LRRIQ3: variants seen among roughly 807,000 people sequenced by gnomAD.
LRRIQ3 encodes the protein leucine rich repeats and IQ motif containing 3.
A neutral mutation model predicts 59.3 loss-of-function variants in LRRIQ3; 75 were observed. That is an observed-to-expected ratio of 1.26 (90% CI 1.05 to 1.53). LRRIQ3 has a LOEUF of 1.53. LRRIQ3 is among the 40% of genes most tolerant of loss of function. The probability of loss-of-function intolerance (pLI) is 0.00; values close to 1 mark genes in which losing one functional copy is unlikely to be tolerated. For synonymous variants in LRRIQ3, 250 were observed against 231.3 expected, an observed-to-expected ratio of 1.08 and a Z score of -0.73; for missense variants, 831 against 710.0, an observed-to-expected ratio of 1.17 and a Z score of -1.94.
chr1:74,195,348 G>A (rs2100750257), intron 1 of LRRIQ3, among the ~76,000 whole-genome samples: 1 of 152,166 alleles, frequency 6.6e-6, no homozygotes, highest in Middle Eastern at 3.4e-3. Context: ...ATATAATCCA[G>A]GACCCTATTC....
chr1:74,130,905 G>C (rs1647006559), intron 4 of LRRIQ3, among the ~76,000 whole-genome samples: 1 of 152,002 alleles, frequency 6.6e-6, no homozygotes, highest in East Asian at 1.9e-4. Flanking sequence ...AGGAGATAAA[G>C]ACACAAAAAA....
chr1:74,048,211 T>C (rs1355095216), intron 6 of LRRIQ3, among the ~76,000 whole-genome samples: 1 of 152,182 alleles, frequency 6.6e-6, no homozygotes, highest in Non-Finnish European at 1.5e-5. Flanking sequence ...GCCCAACTGG[T>C]ATGCTGTGGC....
chr1:74,079,636 A>G (rs1005121495), intron 5 of LRRIQ3, among the ~76,000 whole-genome samples: 1 of 151,748 alleles, frequency 6.6e-6, no homozygotes, highest in African/African-American at 2.4e-5. Flanking sequence ...AAGGGCAAGG[A>G]CTTTTCTTTT....
chr1:74,046,159 A>C (rs2100402525), intron 6 of LRRIQ3, among the ~76,000 whole-genome samples: 1 of 152,298 alleles, frequency 6.6e-6, no homozygotes, highest in South Asian at 2.1e-4. Flanking sequence ...AGACAATCCT[A>C]AGCAAAAAGA....
At chr1:74,074,516 G>A (rs1646179333) in intron 6 of LRRIQ3, 145 bp downstream of exon 6, 2 of 318,512 alleles carry the variant, frequency 6.3e-6, no homozygotes. Context: ...TCCAAGATAT[G>A]GATATTTTAT....
At chr1:74,138,144 C>T (rs1265139425) in intron 4 of LRRIQ3, among the ~76,000 whole-genome samples, 3 of 130,828 alleles carry the variant, frequency 2.3e-5, no homozygotes, top group Non-Finnish European at 5.0e-5. Context: ...CTTTTGCTTC[C>T]TTTAAAAAAA....
At chr1:74,134,820 G>A (rs1289082641) in intron 4 of LRRIQ3, among the ~76,000 whole-genome samples, 1 of 151,290 alleles carries the variant, frequency 6.6e-6, no homozygotes, top group East Asian at 2.0e-4. Flanking sequence ...AAAAGAATGT[G>A]GTAAAGGAGA....
intron 6 of LRRIQ3, among the ~76,000 whole-genome samples, chr1:74,061,639 C>A (rs1654724045): frequency 6.6e-6 from 1 of 152,028 alleles, no homozygotes; most frequent in Non-Finnish European, 1.5e-5. Flanking sequence ...AACCTAAAAC[C>A]ATGAAAACCC....
intron 6 of LRRIQ3, among the ~76,000 whole-genome samples, chr1:74,066,524 A>ACAG (rs1172961011): frequency 1.4e-5 from 1 of 70,730 alleles, no homozygotes; most frequent in African/African-American, 4.0e-5. Flanking sequence ...AACAACAATA[A>ACAG]CAGCAGCAGC....
intron 7 of LRRIQ3, among the ~76,000 whole-genome samples, chr1:74,035,365 T>TTAAAGAAATCTCATTTCAATGAGTTAAAG (rs1553161137): frequency 2.0e-5 from 3 of 152,106 alleles, no homozygotes; most frequent in Admixed American, 2.0e-4. Context: ...CTTTAATGAG[T>TTAAAGAAATCTCATTTCAATGAGTTAAAG]TAAATGATAT....
intron 5 of LRRIQ3, among the ~76,000 whole-genome samples, chr1:74,086,292 T>A (rs1646326868): frequency 6.6e-6 from 1 of 152,148 alleles, no homozygotes; most frequent in African/African-American, 2.4e-5. Flanking sequence ...AGTTTTCTTC[T>A]TAAGACAATA....
chr1:74,100,368 T>C (rs973280773), intron 5 of LRRIQ3, among the ~76,000 whole-genome samples: 5 of 152,058 alleles, frequency 3.3e-5, no homozygotes, highest in Non-Finnish European at 5.9e-5. Context: ...AAGGACCTCT[T>C]CAAGGAGAAC....
At chr1:74,171,592 T>C (rs898150274) in intron 3 of LRRIQ3, among the ~76,000 whole-genome samples, 1 of 152,306 alleles carries the variant, frequency 6.6e-6, no homozygotes, top group Admixed American at 6.5e-5. Context: ...ATCACAGATA[T>C]TGACCTGTAG....
chr1:74,081,730 G>A (rs1646274782), intron 5 of LRRIQ3, among the ~76,000 whole-genome samples: 1 of 151,140 alleles, frequency 6.6e-6, no homozygotes, highest in African/African-American at 2.4e-5. Flanking sequence ...TATTTTTCTA[G>A]TACGTGGATT....
chr1:74,177,760 T>C (rs1649735889), intron 3 of LRRIQ3, among the ~76,000 whole-genome samples: 1 of 152,016 alleles, frequency 6.6e-6, no homozygotes, highest in Non-Finnish European at 1.5e-5. Context: ...ATATAATACA[T>C]AGTAATTACT....
At chr1:74,048,719 G>T (rs1324954182) in intron 6 of LRRIQ3, among the ~76,000 whole-genome samples, 1 of 151,962 alleles carries the variant, frequency 6.6e-6, no homozygotes, top group Non-Finnish European at 1.5e-5. Flanking sequence ...TGTTTTCCAT[G>T]AATATTAGCA....
chr1:74,183,061 A>C (rs1469929210), intron 2 of LRRIQ3, 200 bp from the exon 3 acceptor site: 1 of 377,590 alleles, frequency 2.6e-6, no homozygotes, highest in African/African-American at 2.1e-5. Flanking sequence ...ATAATTTATT[A>C]TTATTCGCAT....
At chr1:74,067,024 G>A (rs1479615562) in intron 6 of LRRIQ3, among the ~76,000 whole-genome samples, 1 of 152,112 alleles carries the variant, frequency 6.6e-6, no homozygotes, top group Non-Finnish European at 1.5e-5. Context: ...AAAATGTAGA[G>A]AAACAAGTAG....
intron 7 of LRRIQ3, among the ~76,000 whole-genome samples, chr1:74,040,753 C>G (rs1474002806): frequency 1.3e-5 from 2 of 152,180 alleles, no homozygotes; most frequent in Non-Finnish European, 2.9e-5. Flanking sequence ...AGAACAAAGA[C>G]ACAACATACC....
Sources: allele counts gnomAD v4.1 joint callset (sites outside exome capture counted in the v4.1 genomes callset), GRCh38; gene constraint gnomAD v4.1.1; transcripts MANE v1.5; gene names NCBI Gene and HGNC (gene_info 2026-07-23, HGNC 2026-07-21).